The following SEZ6L variants were observed in gnomAD, a reference collection of about 807,000 sequenced individuals.
The protein encoded by SEZ6L is seizure 6-like protein.
Under a neutral mutation model 106.2 loss-of-function variants are expected in SEZ6L, and 37 were observed. The ratio of observed to expected loss-of-function variants is 0.35; its 90% CI spans 0.27 to 0.46. The LOEUF is 0.46. Among genes scored for constraint, SEZ6L ranks in the 20% least tolerant of loss-of-function variants. The probability of loss-of-function intolerance (pLI) is 1.00; values close to 1 mark genes in which losing one functional copy is unlikely to be tolerated. For missense variants in SEZ6L, 1,172 were observed against 1,332.8 expected, an observed-to-expected ratio of 0.88 and a Z score of 1.88; for synonymous variants, 541 against 570.4, an observed-to-expected ratio of 0.95 and a Z score of 0.73.
At chr22:26,321,130 G>A (rs2082141409) in intron 9 of SEZ6L, among the ~76,000 whole-genome samples, 2 of 152,222 alleles carry the variant, frequency 1.3e-5, no homozygotes. Context: ...TATTTGCTGA[G>A]CACTTAGGAC....
intron 9 of SEZ6L, among the ~76,000 whole-genome samples, chr22:26,339,774 A>T (rs2082765210): frequency 6.6e-6 from 1 of 152,242 alleles, no homozygotes; most frequent in South Asian, 2.1e-4. Flanking sequence ...AGAATGAAAG[A>T]TGCAGGTCAT....
chr22:26,382,185 A>G lies in SEZ6L; in HGVS notation c.*1890A>G, dbSNP rs887190817. 1 of 387,604 alleles carries G rather than the reference A, an allele frequency of 2.6e-6. No homozygotes were observed. Among genetic ancestry groups the G allele is most frequent in the Non-Finnish European group, 5.1e-6 (1 of 195,470 alleles). 24.0% of individuals were successfully genotyped at this position (387,604 alleles called of 1,614,324 possible). On this transcript the variant is annotated 3_prime_UTR_variant, in exon 17 of 17. Coordinates refer to ENST00000248933, the MANE Select transcript of SEZ6L (RefSeq NM_021115.5). ...CAGGACCCAAAGCCCCATTTAATGC[A>G]AGAACCAGAGAAGTGTTCTAGGCCA...
chr22:26,336,109 T>C (rs2082637084), intron 9 of SEZ6L, among the ~76,000 whole-genome samples: 1 of 152,202 alleles, frequency 6.6e-6, no homozygotes. Flanking sequence ...GTCTAAGCCG[T>C]GCAATACTTG....
chr22:26,183,658 C>T (rs761902001), intron 1 of SEZ6L, among the ~76,000 whole-genome samples: 2 of 152,210 alleles, frequency 1.3e-5, no homozygotes, highest in Non-Finnish European at 2.9e-5. Flanking sequence ...CTGCTGAGAG[C>T]GACGTTGCTG....
chr22:26,181,474 C>A (rs1198101180), intron 1 of SEZ6L, among the ~76,000 whole-genome samples: 1 of 152,172 alleles, frequency 6.6e-6, no homozygotes, highest in African/African-American at 2.4e-5. Flanking sequence ...TAATTTATGG[C>A]ATAAGTAAAA....
chr22:26,176,052 T>C (rs1938978369), intron 1 of SEZ6L, among the ~76,000 whole-genome samples: 1 of 152,250 alleles, frequency 6.6e-6, no homozygotes, highest in African/African-American at 2.4e-5. Context: ...TGTTTGCCAT[T>C]GATTGTGGAC....
intron 1 of SEZ6L, among the ~76,000 whole-genome samples, chr22:26,259,052 T>A (rs1419373855): frequency 2.6e-5 from 4 of 152,192 alleles, no homozygotes; most frequent in Non-Finnish European, 4.4e-5. Flanking sequence ...AAGGAAATGA[T>A]AAAGTTTAAA....
intron 4 of SEZ6L, among the ~76,000 whole-genome samples, chr22:26,297,385 A>C (rs1316300041): frequency 1.3e-5 from 2 of 152,202 alleles, no homozygotes; most frequent in Non-Finnish European, 2.9e-5. Context: ...ATTTCAAAGT[A>C]CTAAGGAGCA....
chr22:26,180,516 G>C (rs1939322902), intron 1 of SEZ6L, among the ~76,000 whole-genome samples: 1 of 152,216 alleles, frequency 6.6e-6, no homozygotes, highest in Non-Finnish European at 1.5e-5. Context: ...ACTCAAAAGT[G>C]TTTGGACATA....
intron 5 of SEZ6L, among the ~76,000 whole-genome samples, chr22:26,304,705 T>C (rs189943323): frequency 1.3e-5 from 2 of 152,226 alleles, no homozygotes; most frequent in Non-Finnish European, 2.9e-5. Context: ...ATGGTCTCAA[T>C]TGATTCTTGA....
At position 26,327,443 on chromosome 22, in the gene SEZ6L, A is replaced by G. The variant is rs538412863; in HGVS notation, c.2016-12993A>G. On this transcript the variant is annotated intron_variant, in intron 9 of 16. Transcript: ENST00000248933. Reference sequence around the variant, plus strand: ...CACACGCACAAACCACACATATGACACTACACACACCACACACCATACACA... The same window carrying G: ...CACACGCACAAACCACACATATGACGCTACACACACCACACACCATACACA... Among the ~76,000 whole-genome samples the G allele has an allele frequency of 7.2e-4, 103 of 143,208 alleles. 1 individual carries two copies. Among genetic ancestry groups the G allele is most frequent in the African/African-American group, 2.6e-3 (100 of 37,898 alleles). 94.0% of individuals were successfully genotyped at this position (143,208 alleles called of 152,430 possible).
At chr22:26,260,606 C>A (rs2079971265) in intron 1 of SEZ6L, among the ~76,000 whole-genome samples, 1 of 151,988 alleles carries the variant, frequency 6.6e-6, no homozygotes, top group African/African-American at 2.4e-5. Context: ...ATATACATAT[C>A]ACAATTTCTT....
Position 26,375,613 on chromosome 22 carries a change from A to C in SEZ6L, c.2866A>C (p.Asn956His). ...AAAETSLEGGNMALAIFIPVL... is the reference protein window; with the variant it reads ...AAAETSLEGGHMALAIFIPVL... ...AGCAGAGACGTCGCTGGAAGGGGGG[A>C]ACATGGCCCTGGCTATCTTCATCCC... Residue 956 changes from asparagine (N) to histidine (H), a missense_variant, in exon 15 of 17, where the codon AAC becomes CAC. Asn to His is a moderately conservative substitution (Grantham distance 68). Coordinates refer to ENST00000248933, the MANE Select transcript of SEZ6L (RefSeq NM_021115.5). The C allele has an allele frequency of 1.2e-6, 2 of 1,614,004 alleles. No homozygotes were observed. The highest frequency in any genetic ancestry group is 1.7e-6 in the Non-Finnish European group (2 of 1,179,992).
At position 26,297,374 on chromosome 22, in the gene SEZ6L, C is replaced by A. The variant is rs137212; in HGVS notation, c.1162+294C>A. 4.6e-5 allele frequency among the ~76,000 whole-genome samples: 7 copies of A among 152,174 alleles called. No homozygotes were observed. In the South Asian group the frequency reaches 1.3e-3, roughly 27 times the overall value. ...TTCTAGTAGTTCTTATAATTGCTGA[C>A]ATTTCAAAGTACTAAGGAGCATAAG... is the stretch of plus-strand genomic sequence containing the variant. On this transcript the variant is annotated intron_variant, in intron 4 of 16. Coordinates refer to ENST00000248933, the MANE Select transcript of SEZ6L (RefSeq NM_021115.5).
intron 1 of SEZ6L, among the ~76,000 whole-genome samples, chr22:26,170,720 G>A (rs1938531983): frequency 6.6e-6 from 1 of 152,114 alleles, no homozygotes; most frequent in Non-Finnish European, 1.5e-5. Context: ...CAGGCACCTA[G>A]GAGACCCGAA....
In SEZ6L at chr22:26,310,564, A is replaced by G. The variant is rs1018237836; in HGVS notation, c.1515-106A>G. 30 of 1,230,184 alleles carry G rather than the reference A, an allele frequency of 2.4e-5. No homozygotes were observed. The African/African-American group carries it at 4.3e-4, about 18-fold the overall frequency. 76.2% of individuals were successfully genotyped at this position (1,230,184 alleles called of 1,614,324 possible). A position where few individuals can be genotyped will look rare whatever the true frequency, so the allele number is the denominator to read the frequency against. ...AAAAAGAGGCAGAGTTAGGTTTGGGATCCGGTAATGAGGCTCCAGAGGCAG... is the reference window on the plus strand; with the variant it reads ...AAAAAGAGGCAGAGTTAGGTTTGGGGTCCGGTAATGAGGCTCCAGAGGCAG... On this transcript the variant is annotated intron_variant, in intron 6 of 16. Coordinates refer to ENST00000248933, the MANE Select transcript of SEZ6L (RefSeq NM_021115.5).
rs562930343 is a variant in SEZ6L at position 26,195,593 on chromosome 22, T to C, written c.94+25830T>C. 3.9e-5 allele frequency among the ~76,000 whole-genome samples: 6 copies of C among 152,306 alleles called. No homozygotes were observed. In the South Asian group the frequency reaches 1.0e-3, roughly 26 times the overall value. ...TTCACTTATTTAGCAAAAAGAAATA[T>C]GTAAAAATTATCACTATGTGTCAAG... On this transcript the variant is annotated intron_variant, in intron 1 of 16. Coordinates refer to ENST00000248933, the MANE Select transcript of SEZ6L (RefSeq NM_021115.5).
chr22:26,234,771 T>C (rs1156612401), intron 1 of SEZ6L, among the ~76,000 whole-genome samples: 1 of 152,254 alleles, frequency 6.6e-6, no homozygotes, highest in Non-Finnish European at 1.5e-5. Flanking sequence ...GCACAGCCCC[T>C]GTCCTCAGTC....
chr22:26,175,309 T>C (rs1215355381), intron 1 of SEZ6L, among the ~76,000 whole-genome samples: 1 of 152,262 alleles, frequency 6.6e-6, no homozygotes, highest in African/African-American at 2.4e-5. Flanking sequence ...ACTGAGCATT[T>C]ACTATATCTC....
Sources: allele counts gnomAD v4.1 joint callset (sites outside exome capture counted in the v4.1 genomes callset), GRCh38; gene constraint gnomAD v4.1.1; transcripts MANE v1.5; gene names NCBI Gene and HGNC (gene_info 2026-07-23, HGNC 2026-07-21).